Variants in SKAP2 observed in about 807,000 individuals in gnomAD.
SKAP2 encodes the protein src kinase associated phosphoprotein 2.
SKAP2 carries 28 observed loss-of-function variants against 54.9 expected under a neutral mutation model. The ratio of observed to expected loss-of-function variants is 0.51; its 90% confidence interval spans 0.38 to 0.70. The LOEUF (loss-of-function observed/expected upper bound fraction) is 0.70, where lower values mean the gene tolerates loss of function less well. SKAP2 is among the 30% of genes least tolerant of loss of function. The pLI is 0.00. For synonymous variants in SKAP2, 137 were observed against 134.3 expected, an observed-to-expected ratio of 1.02 and a Z score of -0.14; for missense variants, 356 against 424.1, an observed-to-expected ratio of 0.84 and a Z score of 1.41.
chr7:26,749,881 C>T (rs534720013), intron 4 of SKAP2, among the ~76,000 whole-genome samples: 1 of 151,966 alleles, frequency 6.6e-6, no homozygotes, highest in South Asian at 2.1e-4. Context: ...GTTTTTTAAG[C>T]ACTATCAGTG....
intron 9 of SKAP2, among the ~76,000 whole-genome samples, chr7:26,715,602 C>T (rs976329073): frequency 1.3e-5 from 2 of 151,990 alleles, no homozygotes; most frequent in Non-Finnish European, 2.9e-5. Flanking sequence ...CATGGTGAAA[C>T]CCCGTCTCTA....
At chr7:26,761,625 G>A (rs951603991) in intron 4 of SKAP2, among the ~76,000 whole-genome samples, 1 of 152,214 alleles carries the variant, frequency 6.6e-6, no homozygotes, top group African/African-American at 2.4e-5. Context: ...GGCGAGGCCA[G>A]GCATGGTGGC....
chr7:26,830,623 A>C (rs1214099111), intron 4 of SKAP2, among the ~76,000 whole-genome samples: 1 of 152,170 alleles, frequency 6.6e-6, no homozygotes, highest in African/African-American at 2.4e-5. Context: ...AACGAGCTCA[A>C]GAAAATAATT....
At chr7:26,743,321 T>C (rs148021967) in intron 4 of SKAP2, among the ~76,000 whole-genome samples, 21 of 152,356 alleles carry the variant, frequency 1.4e-4, no homozygotes, top group African/African-American at 5.0e-4. Context: ...CTGTAACTAC[T>C]AGTTCAAGTG....
intron 9 of SKAP2, among the ~76,000 whole-genome samples, chr7:26,694,661 TAAAAAA>T (rs987848190): frequency 2.1e-5 from 3 of 142,142 alleles, no homozygotes; most frequent in Non-Finnish European, 4.6e-5. Context: ...CCTGAAGAAT[TAAAAAA>T]AAAAACAACT....
chr7:26,677,394 T>TAAAAAAAAAAAAAAAAAAAAAA (rs1322136047), intron 11 of SKAP2, among the ~76,000 whole-genome samples: 1 of 72,970 alleles, frequency 1.4e-5, no homozygotes, highest in African/African-American at 5.4e-5. Context: ...TCTGTCTCAA[T>TAAAAAAAAAAAAAAAAAAAAAA]AAAAAAAAAA....
chr7:26,727,817 C>T (rs907919750), intron 6 of SKAP2, among the ~76,000 whole-genome samples: 1 of 152,110 alleles, frequency 6.6e-6, no homozygotes, highest in Non-Finnish European at 1.5e-5. Flanking sequence ...CTACTTCACC[C>T]AGTTACACCA....
At chr7:26,767,196 G>A (rs1259779336) in intron 4 of SKAP2, among the ~76,000 whole-genome samples, 1 of 152,084 alleles carries the variant, frequency 6.6e-6, no homozygotes, top group East Asian at 1.9e-4. Flanking sequence ...TTCAGACTTG[G>A]CAGGGTGTAT....
intron 4 of SKAP2, among the ~76,000 whole-genome samples, chr7:26,837,520 C>T (rs1247312972): frequency 2.0e-5 from 3 of 151,834 alleles, no homozygotes; most frequent in Non-Finnish European, 4.4e-5. Flanking sequence ...TTGGGAGGTG[C>T]CACATACTTT....
At chr7:26,681,392 C>T (rs1400213800) in intron 11 of SKAP2, among the ~76,000 whole-genome samples, 2 of 152,124 alleles carry the variant, frequency 1.3e-5, no homozygotes, top group South Asian at 2.1e-4. Context: ...TGCGGTGAGC[C>T]GAGATCGTGC....
intron 6 of SKAP2, among the ~76,000 whole-genome samples, chr7:26,727,789 T>C (rs1310313447): frequency 6.6e-6 from 1 of 152,104 alleles, no homozygotes; most frequent in Non-Finnish European, 1.5e-5. Context: ...AAACTGAAAA[T>C]AAAATTAGTC....
chr7:26,735,178 A>C (rs1282890536), intron 6 of SKAP2, among the ~76,000 whole-genome samples: 1 of 152,194 alleles, frequency 6.6e-6, no homozygotes, highest in East Asian at 1.9e-4. Flanking sequence ...TTGGATCCTC[A>C]GTGCCTACTA....
At chr7:26,752,369 C>T (rs901620412) in intron 4 of SKAP2, among the ~76,000 whole-genome samples, 4 of 152,140 alleles carry the variant, frequency 2.6e-5, no homozygotes, top group African/African-American at 9.7e-5. Flanking sequence ...TTTCATAGGG[C>T]TGTTTTGTAT....
At chr7:26,697,788 C>G (rs1035468960) in intron 9 of SKAP2, among the ~76,000 whole-genome samples, 2 of 152,036 alleles carry the variant, frequency 1.3e-5, no homozygotes, top group African/African-American at 4.8e-5. Flanking sequence ...ACTATTAACA[C>G]CTTCTTCTAG....
chr7:26,804,328 T>A (rs1469817341), intron 4 of SKAP2, among the ~76,000 whole-genome samples: 1 of 152,200 alleles, frequency 6.6e-6, no homozygotes. Context: ...CTGTTATCCT[T>A]TCTAACTCTA....
At chr7:26,784,869 A>C (rs755759214) in intron 4 of SKAP2, among the ~76,000 whole-genome samples, 3 of 152,204 alleles carry the variant, frequency 2.0e-5, no homozygotes, top group Non-Finnish European at 4.4e-5. Context: ...ATTTACCTTG[A>C]AATGCATCAA....
At chr7:26,742,846 G>A (rs1782482563) in intron 4 of SKAP2, among the ~76,000 whole-genome samples, 1 of 151,952 alleles carries the variant, frequency 6.6e-6, no homozygotes, top group African/African-American at 2.4e-5. Flanking sequence ...CTGATGGCAG[G>A]GATGGAAAAT....
At chr7:26,707,398 A>C (rs1176704864) in intron 9 of SKAP2, among the ~76,000 whole-genome samples, 1 of 152,122 alleles carries the variant, frequency 6.6e-6, no homozygotes, top group Non-Finnish European at 1.5e-5. Flanking sequence ...ATAATTATAA[A>C]GCCCCTTAGT....
At chr7:26,693,590 AATG>A (rs1786836131) in intron 9 of SKAP2, among the ~76,000 whole-genome samples, 1 of 152,186 alleles carries the variant, frequency 6.6e-6, no homozygotes, top group African/African-American at 2.4e-5. Flanking sequence ...TTATCAGAAT[AATG>A]ATATTAAAAG....
Sources: gnomAD v4.1 joint callset for allele counts (sites outside exome capture counted in the v4.1 genomes callset) on GRCh38, gnomAD v4.1.1 for gene constraint, MANE v1.5 for transcripts, NCBI Gene and HGNC (gene_info 2026-07-23, HGNC 2026-07-21) for gene names.